The following RGS6 variants were observed in gnomAD, a reference collection of about 807,000 sequenced individuals.
RGS6 encodes regulator of G-protein signaling 6.
Under a neutral mutation model 78.5 loss-of-function variants are expected in RGS6, and 30 were observed. The ratio of observed to expected loss-of-function variants is 0.38; its 90% CI spans 0.29 to 0.52. The LOEUF (loss-of-function observed/expected upper bound fraction) is 0.52, where lower values mean the gene tolerates loss of function less well. Among genes scored for constraint, RGS6 ranks in the 20% least tolerant of loss-of-function variants. The pLI is 0.85. For missense variants in RGS6, 495 were observed against 609.7 expected (o/e 0.81, Z 1.98); for synonymous variants, 206 against 206.0 (o/e 1.00, Z 0.00).
intron 3 of RGS6, among the ~76,000 whole-genome samples, chr14:72,353,274 A>G (rs944834425): frequency 1.3e-5 from 2 of 152,262 alleles, no homozygotes; most frequent in Non-Finnish European, 2.9e-5. Context: ...ATTGAAGTAT[A>G]CTGAAGAATA....
chr14:72,152,996 G>A (rs1249566810), intron 2 of RGS6, among the ~76,000 whole-genome samples: 1 of 152,128 alleles, frequency 6.6e-6, no homozygotes, highest in Non-Finnish European at 1.5e-5. Flanking sequence ...AGGAAGAGGA[G>A]GGGCCAGGCT....
At chr14:71,947,545 C>T (rs1013473584) in intron 1 of RGS6, among the ~76,000 whole-genome samples, 5 of 152,066 alleles carry the variant, frequency 3.3e-5, no homozygotes, top group Admixed American at 6.5e-5. Context: ...ATTGCAGTGG[C>T]GTGGTGTTGG....
At position 72,166,093 on chromosome 14, in the gene RGS6, G is replaced by GACACAC. The variant is rs3055029; in HGVS notation, c.85-185962_85-185957dup. 2.3e-3 allele frequency among the ~76,000 whole-genome samples: 252 copies of GACACAC among 107,786 alleles called. 1 individual carries two copies. The highest frequency in any genetic ancestry group is 2.8e-3 in the Non-Finnish European group (134 of 47,938). 70.7% of individuals were successfully genotyped at this position (107,786 alleles called of 152,430 possible). On this transcript the variant is annotated intron_variant, in intron 2 of 17. Transcript: ENST00000553525. ...CCATCCCTTCTAGTCCCATTTTTGA[G>GACACAC]ACACACACACACACACACACACACA...
At chr14:71,996,148 A>G (rs1029572628) in intron 2 of RGS6, among the ~76,000 whole-genome samples, 1 of 129,598 alleles carries the variant, frequency 7.7e-6, no homozygotes, top group Admixed American at 8.3e-5. Context: ...GGTGTTCGTT[A>G]GAAGTGTGTT....
At chr14:72,197,323 C>T (rs2040417726) in intron 2 of RGS6, among the ~76,000 whole-genome samples, 1 of 152,200 alleles carries the variant, frequency 6.6e-6, no homozygotes, top group Admixed American at 6.5e-5. Context: ...GCCTTGGCCT[C>T]CCAAAGTGCT....
chr14:72,315,004 C>T (rs1386984151), intron 2 of RGS6, among the ~76,000 whole-genome samples: 1 of 152,214 alleles, frequency 6.6e-6, no homozygotes, highest in Non-Finnish European at 1.5e-5. Flanking sequence ...TTAAGCTATC[C>T]TTCCCCCACT....
chr14:72,194,417 C>T (rs193152087), intron 2 of RGS6, among the ~76,000 whole-genome samples: 47 of 152,014 alleles, frequency 3.1e-4, no homozygotes, highest in Admixed American at 6.6e-4. Context: ...GTTGCCCAGG[C>T]TGGAGTGCAC....
intron 3 of RGS6, among the ~76,000 whole-genome samples, chr14:72,434,404 CAA>C (rs1395331802): frequency 2.0e-5 from 3 of 152,216 alleles, no homozygotes; most frequent in Non-Finnish European, 4.4e-5. Flanking sequence ...CCTCCTTCAG[CAA>C]AGTGTTCTGA....
chr14:72,257,688 T>C (rs540476597), intron 2 of RGS6, among the ~76,000 whole-genome samples: 13 of 152,124 alleles, frequency 8.5e-5, no homozygotes, highest in Non-Finnish European at 1.9e-4. Context: ...GGCTCGTTAG[T>C]AAGACAATAG....
chr14:72,302,705 C>T (rs1243544280), intron 2 of RGS6, among the ~76,000 whole-genome samples: 46 of 151,066 alleles, frequency 3.0e-4, no homozygotes, highest in Admixed American at 2.9e-3. Flanking sequence ...CACACACACA[C>T]GGACACATAA....
intron 2 of RGS6, among the ~76,000 whole-genome samples, chr14:72,247,573 C>T (rs1356838): frequency 0.015 from 2,273 of 152,224 alleles, 46 homozygotes; most frequent in East Asian, 0.12. Flanking sequence ...TGGTTTCACC[C>T]GTAAAATACT....
chr14:71,966,478 C>T (rs2153056795), intron 2 of RGS6, among the ~76,000 whole-genome samples: 1 of 152,292 alleles, frequency 6.6e-6, no homozygotes, highest in Non-Finnish European at 1.5e-5. Flanking sequence ...GTCATTGTTA[C>T]TTTCTTAACC....
chr14:72,150,864 C>G (rs958695716), intron 2 of RGS6, among the ~76,000 whole-genome samples: 2 of 152,142 alleles, frequency 1.3e-5, no homozygotes, highest in Non-Finnish European at 2.9e-5. Flanking sequence ...GGACGCAAAT[C>G]CAATCCATGT....
chr14:72,279,626 T>C (rs2061258065), intron 2 of RGS6, among the ~76,000 whole-genome samples: 2 of 152,172 alleles, frequency 1.3e-5, no homozygotes, highest in African/African-American at 2.4e-5. Context: ...AGCCATTAGC[T>C]GTACTTGGAT....
intron 2 of RGS6, among the ~76,000 whole-genome samples, chr14:72,261,459 A>G (rs2058139774): frequency 1.6e-5 from 1 of 61,152 alleles, no homozygotes; most frequent in Admixed American, 1.7e-4. Context: ...TACTTTTAGT[A>G]AGTGAGTGAG....
chr14:72,414,401 G>A (rs1052051847), intron 3 of RGS6, among the ~76,000 whole-genome samples: 1 of 152,168 alleles, frequency 6.6e-6, no homozygotes, highest in Admixed American at 6.5e-5. Context: ...CTCGTGCCGT[G>A]GTTTTCAGCT....
the RGS6 span, among the ~76,000 whole-genome samples, chr14:71,920,787 C>A: frequency 1.3e-5 from 2 of 152,232 alleles, no homozygotes; most frequent in South Asian, 4.1e-4. Context: ...TTAAATACAT[C>A]GGTTTCTGGG....
the RGS6 span, among the ~76,000 whole-genome samples, chr14:71,868,224 C>A: frequency 6.6e-6 from 1 of 152,086 alleles, no homozygotes; most frequent in African/African-American, 2.4e-5. Flanking sequence ...CAAGGGTGAG[C>A]AGGATGGGGA....
chr14:72,321,593 C>T (rs549807435), intron 2 of RGS6, among the ~76,000 whole-genome samples: 8 of 151,824 alleles, frequency 5.3e-5, no homozygotes, highest in Non-Finnish European at 8.8e-5. Flanking sequence ...GAACAAAAAG[C>T]ATTAAACAAG....
Sources: gnomAD v4.1 joint callset for allele counts (sites outside exome capture counted in the v4.1 genomes callset) on GRCh38, gnomAD v4.1.1 for gene constraint, MANE v1.5 for transcripts, NCBI Gene and HGNC (gene_info 2026-07-23, HGNC 2026-07-21) for gene names.